SLC9C2: variants seen among roughly 807,000 people sequenced by gnomAD.
SLC9C2 encodes the protein sodium/hydrogen exchanger 11.
In SLC9C2, 75 loss-of-function variants were observed where a neutral mutation model predicts 140.2. The observed-to-expected ratio is 0.53, with a 90% confidence interval of 0.44 to 0.65. The LOEUF is 0.65. SLC9C2 is among the 30% of genes least tolerant of loss of function. SLC9C2 has a pLI of 0.00. For missense variants in SLC9C2, 1,074 were observed against 1,331.8 expected (o/e 0.81, Z 3.01); for synonymous variants, 375 against 420.9 (o/e 0.89, Z 1.34).
At chr1:173,590,542 A>C (rs1252588401) in intron 4 of SLC9C2, among the ~76,000 whole-genome samples, 3 of 152,194 alleles carry the variant, frequency 2.0e-5, no homozygotes, top group Non-Finnish European at 4.4e-5. Flanking sequence ...ATAATGTTTA[A>C]TTTATAAATT....
intron 23 of SLC9C2, among the ~76,000 whole-genome samples, chr1:173,512,269 T>G (rs916781881): frequency 6.6e-6 from 1 of 152,266 alleles, no homozygotes; most frequent in African/African-American, 2.4e-5. Flanking sequence ...CACTATTGAT[T>G]CTTCCTATCC....
At position 173,587,753 on chromosome 1, in the gene SLC9C2, A is replaced by G. The variant is rs572839039; in HGVS notation, c.435T>C (p.Asp145=). ...GTAGGCAAGATTGCAAATCCCATGA[A>G]TCTTTATTGAATTTTATAACGACAT... is the stretch of plus-strand genomic sequence containing the variant. The part of the protein sequence containing the change: ...IGYVVIKFNK[D]SWDLQSCLLF... Residue 145 remains aspartate (D), a synonymous_variant, in exon 5 of 28, where the codon GAT becomes GAC. Coordinates refer to ENST00000367714, the MANE Select transcript of SLC9C2 (RefSeq NM_178527.4). The G allele has an allele frequency of 4.3e-6, 7 of 1,613,368 alleles. No homozygotes were observed. In the Admixed American group the frequency reaches 8.3e-5, roughly 19 times the overall value.
intron 7 of SLC9C2, among the ~76,000 whole-genome samples, chr1:173,578,007 G>T (rs988640537): frequency 6.7e-6 from 1 of 149,402 alleles, no homozygotes; most frequent in African/African-American, 2.6e-5. Context: ...ATAAAGAAGG[G>T]ACAGTGGAAG....
intron 24 of SLC9C2, among the ~76,000 whole-genome samples, chr1:173,507,953 C>A (rs1458821850): frequency 6.6e-6 from 1 of 152,140 alleles, no homozygotes; most frequent in African/African-American, 2.4e-5. Flanking sequence ...ATCAGCCCAA[C>A]AGTAGGCATC....
chr1:173,554,916 T>G (rs1258176396), intron 10 of SLC9C2, 102 bp from the exon 11 acceptor site: 1 of 749,478 alleles, frequency 1.3e-6, no homozygotes, highest in Non-Finnish European at 2.2e-6. Context: ...ATTAATATCT[T>G]AATCCACATT....
At chr1:173,597,178 C>T (rs1666497519) in intron 4 of SLC9C2, among the ~76,000 whole-genome samples, 1 of 151,500 alleles carries the variant, frequency 6.6e-6, no homozygotes, top group Non-Finnish European at 1.5e-5. Context: ...AAAGAATTGA[C>T]ATATAAAACA....
Position 173,533,595 on chromosome 1 carries a change from A to T in SLC9C2, c.2163+14T>A, listed in dbSNP as rs765288295. 2.8e-5 allele frequency: 44 copies of T among 1,555,068 alleles called. No homozygotes were observed. Among genetic ancestry groups the T allele is most frequent in the Non-Finnish European group, 3.2e-5 (37 of 1,141,852 alleles). On this transcript the variant is annotated intron_variant, in intron 17 of 27. Coordinates refer to ENST00000367714, the MANE Select transcript of SLC9C2 (RefSeq NM_178527.4). The stretch of plus-strand genomic sequence containing the variant: ...TCCTGGCAAATCTTAATATTTTAAA[A>T]TGTGAAATCTTACCTTGAAGAGAGG...
Position 173,576,767 on chromosome 1 carries a change from A to T in SLC9C2, c.803-7T>A. On this transcript the variant is annotated splice_polypyrimidine_tract_variant and splice_region_variant and intron_variant, in intron 7 of 27. Coordinates refer to ENST00000367714, the MANE Select transcript of SLC9C2 (RefSeq NM_178527.4). ...GACATTCCTAAAAATTCCACTGGGG[A>T]GAAAAAAAAAACAAATGAATCAAAT... is the stretch of plus-strand genomic sequence containing the variant. 6.5e-7 allele frequency: 1 copy of T among 1,545,528 alleles called. No individual in the cohort carries two copies. The highest frequency in any genetic ancestry group is 8.9e-7 in the Non-Finnish European group (1 of 1,129,126).
At chr1:173,502,611 A>G (rs755139794) in intron 27 of SLC9C2, among the ~76,000 whole-genome samples, 7 of 152,158 alleles carry the variant, frequency 4.6e-5, no homozygotes, top group Non-Finnish European at 1.0e-4. Context: ...CAGCCTTCTC[A>G]AACTTCTCTA....
At chr1:173,536,575 T>C (rs1214861147) in intron 14 of SLC9C2, among the ~76,000 whole-genome samples, 1 of 152,192 alleles carries the variant, frequency 6.6e-6, no homozygotes, top group Admixed American at 6.5e-5. Context: ...AAACCTCCTC[T>C]GTCTGGTAAT....
intron 4 of SLC9C2, among the ~76,000 whole-genome samples, chr1:173,588,403 GA>G (rs1665979102): frequency 6.6e-6 from 1 of 151,626 alleles, no homozygotes; most frequent in South Asian, 2.1e-4. Flanking sequence ...TCATCCTCAG[GA>G]AAAAAAATAG....
chr1:173,522,092 G>C (rs942551891), intron 21 of SLC9C2, among the ~76,000 whole-genome samples: 44 of 151,708 alleles, frequency 2.9e-4, no homozygotes, highest in African/African-American at 1.1e-3. Flanking sequence ...GCCGGGCGTA[G>C]TGGCGGGCGC....
intron 9 of SLC9C2, among the ~76,000 whole-genome samples, chr1:173,565,708 C>T (rs945043239): frequency 6.6e-6 from 1 of 152,012 alleles, no homozygotes; most frequent in Non-Finnish European, 1.5e-5. Flanking sequence ...TGTGTTGCCA[C>T]ATAAATTTTA....
At position 173,588,602 on chromosome 1, in the gene SLC9C2, G is replaced by C. The variant is rs141967596; in HGVS notation, c.358-772C>G. On this transcript the variant is annotated intron_variant, in intron 4 of 27. Coordinates refer to ENST00000367714, the MANE Select transcript of SLC9C2 (RefSeq NM_178527.4). ...ATTTTTTAAATGTTAAATTAACCTT[G>C]TTCTGAAATAAACACAACTTGATCA... Among the ~76,000 whole-genome samples the C allele has an allele frequency of 7.3e-4, 111 of 152,054 alleles. 2 individuals are homozygous for C. The East Asian group carries it at 0.016, about 22-fold the overall frequency.
At chr1:173,515,475 C>T (rs1044413351) in intron 23 of SLC9C2, among the ~76,000 whole-genome samples, 1 of 152,200 alleles carries the variant, frequency 6.6e-6, no homozygotes, top group African/African-American at 2.4e-5. Context: ...GTGCATGCTT[C>T]ATGAAGCGTT....
chr1:173,522,015 G>A (rs1181688760), intron 21 of SLC9C2, among the ~76,000 whole-genome samples: 2 of 151,818 alleles, frequency 1.3e-5, no homozygotes, highest in East Asian at 3.9e-4. Context: ...TGGCTAACAC[G>A]GTGAAACCCC....
At chr1:173,571,198 C>A (rs1664824370) in intron 9 of SLC9C2, among the ~76,000 whole-genome samples, 1 of 152,198 alleles carries the variant, frequency 6.6e-6, no homozygotes, top group Admixed American at 6.5e-5. Context: ...AAATCCCATT[C>A]CCCAGAGGAA....
At chr1:173,544,276 A>G (rs1662670137) in intron 13 of SLC9C2, among the ~76,000 whole-genome samples, 1 of 152,266 alleles carries the variant, frequency 6.6e-6, no homozygotes, top group Non-Finnish European at 1.5e-5. Context: ...ATCATTGGTC[A>G]TCAGAAAAAT....
intron 13 of SLC9C2, among the ~76,000 whole-genome samples, chr1:173,537,582 G>GTA (rs1385823717): frequency 7.2e-6 from 1 of 138,902 alleles, no homozygotes; most frequent in African/African-American, 3.0e-5. Flanking sequence ...ATGTGTGTGT[G>GTA]TATATATATG....
Sources: gnomAD v4.1 joint callset for allele counts (sites outside exome capture counted in the v4.1 genomes callset) on GRCh38, gnomAD v4.1.1 for gene constraint, MANE v1.5 for transcripts, NCBI Gene and HGNC (gene_info 2026-07-23, HGNC 2026-07-21) for gene names.